The following SLC71A2 variants were observed in gnomAD, a reference collection of about 807,000 sequenced individuals.
SLC71A2 encodes the protein hippocampus abundant transcript-like 1.
the SLC71A2 span, among the ~76,000 whole-genome samples, chr9:94,404,845 A>C: frequency 6.6e-6 from 1 of 152,018 alleles, no homozygotes; most frequent in South Asian, 2.1e-4. Flanking sequence ...CATTTTGATG[A>C]AGTTTGATTT....
chr9:94,439,258 C>T, the SLC71A2 span, among the ~76,000 whole-genome samples: 2 of 151,740 alleles, frequency 1.3e-5, no homozygotes, highest in Admixed American at 6.6e-5. Flanking sequence ...CCACCTGCCT[C>T]GGCCTCCCAA....
chr9:94,428,191 C>T, the SLC71A2 span, among the ~76,000 whole-genome samples: 1 of 150,560 alleles, frequency 6.6e-6, no homozygotes, highest in African/African-American at 2.4e-5. Flanking sequence ...TGCATTTTAC[C>T]ATGTTTTTGT....
the SLC71A2 span, among the ~76,000 whole-genome samples, chr9:94,424,525 G>A: frequency 6.6e-6 from 1 of 151,982 alleles, no homozygotes; most frequent in Non-Finnish European, 1.5e-5. Context: ...GTGAGCCACT[G>A]CGCCCAGCCA....
At chr9:94,456,217 C>G in the SLC71A2 span, 1 of 1,589,734 alleles carries the variant, frequency 6.3e-7, no homozygotes, top group Non-Finnish European at 8.6e-7. Context: ...TGCTGCCTGA[C>G]TGTGCCTGTC....
the SLC71A2 span, among the ~76,000 whole-genome samples, chr9:94,420,981 T>A: frequency 6.6e-6 from 1 of 151,988 alleles, no homozygotes; most frequent in African/African-American, 2.4e-5. Context: ...TATTTCTGAG[T>A]AATATAGTTA....
At chr9:94,457,619 G>A in the SLC71A2 span, among the ~76,000 whole-genome samples, 2 of 152,174 alleles carry the variant, frequency 1.3e-5, no homozygotes, top group East Asian at 1.9e-4. Context: ...TGACCCATCC[G>A]TGGAGGACTG....
chr9:94,451,463 GT>G, the SLC71A2 span: 1 of 1,550,746 alleles, frequency 6.4e-7, no homozygotes, highest in South Asian at 1.2e-5. Flanking sequence ...TAGGTCATAG[GT>G]TTTGGATCTG....
At chr9:94,401,896 A>G in the SLC71A2 span, among the ~76,000 whole-genome samples, 1 of 152,180 alleles carries the variant, frequency 6.6e-6, no homozygotes, top group East Asian at 1.9e-4. Flanking sequence ...GCCCATTTTT[A>G]TGGCTGTTTC....
At chr9:94,377,661 T>G in the SLC71A2 span, among the ~76,000 whole-genome samples, 1 of 151,884 alleles carries the variant, frequency 6.6e-6, no homozygotes, top group Non-Finnish European at 1.5e-5. Context: ...GATTATAGGT[T>G]AGAGCCATGA....
the SLC71A2 span, among the ~76,000 whole-genome samples, chr9:94,450,250 A>G: frequency 6.6e-6 from 1 of 152,224 alleles, no homozygotes; most frequent in South Asian, 2.1e-4. Flanking sequence ...ATATTTACAA[A>G]TAAAGGCTGA....
At chr9:94,459,495 G>A in the SLC71A2 span, 7 of 1,478,406 alleles carry the variant, frequency 4.7e-6, no homozygotes, top group East Asian at 1.6e-4. Context: ...CATGGTGCTG[G>A]ATGGGAGACG....
chr9:94,382,173 T>A, the SLC71A2 span, among the ~76,000 whole-genome samples: 9 of 151,922 alleles, frequency 5.9e-5, no homozygotes, highest in Admixed American at 5.9e-4. Context: ...ACTACAGGCA[T>A]ATGCCACCAT....
the SLC71A2 span, among the ~76,000 whole-genome samples, chr9:94,390,641 C>T: frequency 1.3e-5 from 2 of 152,178 alleles, no homozygotes; most frequent in African/African-American, 4.8e-5. Context: ...TATGGATGTG[C>T]ACATGTGACT....
At chr9:94,381,583 A>G in the SLC71A2 span, among the ~76,000 whole-genome samples, 1 of 152,248 alleles carries the variant, frequency 6.6e-6, no homozygotes, top group Non-Finnish European at 1.5e-5. Flanking sequence ...AGCTGCTGTG[A>G]ACATCTGTGT....
the SLC71A2 span, chr9:94,447,022 C>A: frequency 1.4e-6 from 1 of 720,758 alleles, no homozygotes; most frequent in Non-Finnish European, 2.4e-6. Context: ...GAAACCACTG[C>A]AGAGGAAAAA....
At chr9:94,446,996 C>A in the SLC71A2 span, 2 of 880,008 alleles carry the variant, frequency 2.3e-6, no homozygotes, top group South Asian at 1.4e-5. Flanking sequence ...GGAGATTTGT[C>A]TAAAGATATT....
chr9:94,459,577 T>C, the SLC71A2 span: 1 of 595,918 alleles, frequency 1.7e-6, no homozygotes, highest in Non-Finnish European at 2.8e-6. Context: ...CTCCTGTTTT[T>C]TTTTTTTCTC....
chr9:94,386,008 CT>C, the SLC71A2 span, among the ~76,000 whole-genome samples: 3 of 151,946 alleles, frequency 2.0e-5, no homozygotes, highest in African/African-American at 7.3e-5. Flanking sequence ...GCAAGAAAGT[CT>C]TTGGGAATTT....
At chr9:94,426,441 T>A in the SLC71A2 span, among the ~76,000 whole-genome samples, 4 of 152,254 alleles carry the variant, frequency 2.6e-5, no homozygotes, top group Admixed American at 2.6e-4. Flanking sequence ...GTCTTCTCTT[T>A]CATCTTCAAG....
Sources: allele counts gnomAD v4.1 joint callset (sites outside exome capture counted in the v4.1 genomes callset), GRCh38; gene constraint gnomAD v4.1.1; transcripts MANE v1.5; gene names NCBI Gene and HGNC (gene_info 2026-07-23, HGNC 2026-07-21).